GPHN: variants seen among roughly 807,000 people sequenced by gnomAD.
GPHN encodes the protein gephyrin.
GPHN carries 17 observed loss-of-function variants against 95.5 expected under a neutral mutation model. That is an observed-to-expected ratio of 0.18 (90% CI 0.12 to 0.27). The LOEUF is 0.27. GPHN is among the 10% of genes least tolerant of loss of function. The pLI, the probability that GPHN is intolerant of heterozygous loss-of-function variation, is 1.00. For missense variants in GPHN, 660 were observed against 978.1 expected (o/e 0.67, Z 4.34); for synonymous variants, 320 against 322.5 (o/e 0.99, Z 0.08).
At chr14:67,000,530 A>G (rs1170485178) in intron 9 of GPHN, among the ~76,000 whole-genome samples, 2 of 151,678 alleles carry the variant, frequency 1.3e-5, no homozygotes, top group African/African-American at 2.4e-5. Context: ...CAATATATTT[A>G]TCTACAGTGC....
chr14:66,536,138 G>A (rs920515477), intron 1 of GPHN, among the ~76,000 whole-genome samples: 6 of 152,112 alleles, frequency 3.9e-5, no homozygotes, highest in Non-Finnish European at 7.4e-5. Flanking sequence ...ATTTTATAGA[G>A]AGAGGGCCTT....
chr14:67,692,363 G>A, the GPHN span: 1 of 1,490,870 alleles, frequency 6.7e-7, no homozygotes, highest in Non-Finnish European at 9.2e-7. Context: ...GAGGAAGAGG[G>A]ACCTTTTCCT....
chr14:66,902,834 C>T (rs2065185454), intron 5 of GPHN, among the ~76,000 whole-genome samples: 1 of 151,830 alleles, frequency 6.6e-6, no homozygotes, highest in African/African-American at 2.4e-5. Flanking sequence ...TTGTTTTATC[C>T]TTTTTGGTTT....
chr14:67,712,247 TC>T, the GPHN span, among the ~76,000 whole-genome samples: 1 of 148,760 alleles, frequency 6.7e-6, no homozygotes. Context: ...TAACTGGATC[TC>T]TGAGCTCTGG....
At chr14:66,555,280 C>T (rs1022775774) in intron 1 of GPHN, among the ~76,000 whole-genome samples, 1 of 152,060 alleles carries the variant, frequency 6.6e-6, no homozygotes, top group African/African-American at 2.4e-5. Context: ...GCCTAAATTG[C>T]ATTAAGTTCT....
rs1032244682 is a variant in GPHN, at chr14:66,854,066, T to C, written c.295-25873T>C. 3.9e-5 allele frequency among the ~76,000 whole-genome samples: 6 copies of C among 152,348 alleles called. 1 individual carries two copies. Among genetic ancestry groups the C allele is most frequent in the South Asian group, 4.1e-4 (2 of 4,832 alleles). Reference sequence around the variant, plus strand: ...TTCAATCAAGAAAATATTGAGACTTTACTAGTTTTAAGTGAGAAAGAATTA... The same window carrying C: ...TTCAATCAAGAAAATATTGAGACTTCACTAGTTTTAAGTGAGAAAGAATTA... On this transcript the variant is annotated intron_variant, in intron 4 of 22. Transcript: ENST00000478722.
intron 4 of GPHN, among the ~76,000 whole-genome samples, chr14:66,866,348 T>G (rs1228817399): frequency 6.6e-6 from 1 of 152,084 alleles, no homozygotes; most frequent in African/African-American, 2.4e-5. Context: ...ATAAAAATGT[T>G]AACAATCCAT....
At chr14:67,398,781 G>A in the GPHN span, among the ~76,000 whole-genome samples, 2,176 of 152,288 alleles carry the variant, frequency 0.014, 22 homozygotes, top group Middle Eastern at 0.034. Context: ...TGGTCTTGAA[G>A]AACTTCTGGG....
At chr14:67,433,100 T>A in the GPHN span, among the ~76,000 whole-genome samples, 1 of 152,174 alleles carries the variant, frequency 6.6e-6, no homozygotes, top group African/African-American at 2.4e-5. Context: ...ACATTCTGAC[T>A]CTTCCTTAAC....
chr14:67,586,088 T>A, the GPHN span: 1 of 1,613,956 alleles, frequency 6.2e-7, no homozygotes, highest in Admixed American at 1.7e-5. Flanking sequence ...TCCGGATGGC[T>A]GCTCCCAAGG....
At chr14:67,389,775 C>CT in the GPHN span, among the ~76,000 whole-genome samples, 3,979 of 137,300 alleles carry the variant, frequency 0.029, 71 homozygotes, top group Non-Finnish European at 0.039. Context: ...TGTTTTTTTT[C>CT]TTTTTTTTTT....
At chr14:66,575,592 T>C (rs965081687) in intron 1 of GPHN, among the ~76,000 whole-genome samples, 4 of 152,180 alleles carry the variant, frequency 2.6e-5, no homozygotes, top group African/African-American at 9.7e-5. Context: ...TTAGTGCCCA[T>C]GTCAGCAGTT....
At position 66,759,065 on chromosome 14, in the gene GPHN, A is replaced by G. The variant is rs1417211858; in HGVS notation, c.144-17399A>G. On this transcript the variant is annotated intron_variant, in intron 2 of 22. Coordinates refer to ENST00000478722, the MANE Select transcript of GPHN (RefSeq NM_020806.5). ...TCTTATACTTGGCTTGAATATTTGC[A>G]TAAAGTGCAGCAAGAATAATTATTT... is the stretch of plus-strand genomic sequence containing the variant. Among the ~76,000 whole-genome samples the G allele has an allele frequency of 3.3e-5, 5 of 152,324 alleles. No individual in the cohort carries two copies. The East Asian group carries it at 7.7e-4, about 24-fold the overall frequency.
intron 1 of GPHN, among the ~76,000 whole-genome samples, chr14:66,674,797 T>A (rs1314563852): frequency 6.6e-6 from 1 of 152,232 alleles, no homozygotes; most frequent in East Asian, 1.9e-4. Context: ...TAAGTATCCC[T>A]TTGACATAAT....
the GPHN span, among the ~76,000 whole-genome samples, chr14:67,556,314 T>A: frequency 1.3e-5 from 2 of 152,194 alleles, no homozygotes; most frequent in African/African-American, 4.8e-5. Flanking sequence ...GATGTATTTT[T>A]TATTAGAGAT....
chr14:67,734,116 A>G, the GPHN span: 1 of 354,808 alleles, frequency 2.8e-6, no homozygotes, highest in Non-Finnish European at 5.5e-6. Flanking sequence ...GACTGGGCAG[A>G]TCCCAGGCTG....
At chr14:66,608,018 C>T (rs1595207563) in intron 1 of GPHN, among the ~76,000 whole-genome samples, 1 of 133,130 alleles carries the variant, frequency 7.5e-6, no homozygotes, top group Admixed American at 7.8e-5. Flanking sequence ...TTAATTATTT[C>T]TTTTCTTTTA....
At chr14:67,607,330 G>A in the GPHN span, among the ~76,000 whole-genome samples, 1 of 152,286 alleles carries the variant, frequency 6.6e-6, no homozygotes, top group Admixed American at 6.5e-5. Flanking sequence ...AATGGGCAGT[G>A]TGGGAAGGAG....
intron 2 of GPHN, among the ~76,000 whole-genome samples, chr14:66,704,314 C>T (rs1031661820): frequency 6.6e-6 from 1 of 151,620 alleles, no homozygotes; most frequent in African/African-American, 2.4e-5. Flanking sequence ...ATCAAATGGA[C>T]CTAATAGACA....
Sources: allele counts gnomAD v4.1 joint callset (sites outside exome capture counted in the v4.1 genomes callset), GRCh38; gene constraint gnomAD v4.1.1; transcripts MANE v1.5; gene names NCBI Gene and HGNC (gene_info 2026-07-23, HGNC 2026-07-21).